SPON1: variants seen among roughly 807,000 people sequenced by gnomAD.
SPON1 encodes the protein spondin-1.
SPON1 carries 52 observed loss-of-function variants against 111.7 expected under a neutral mutation model. The ratio of observed to expected loss-of-function variants is 0.47; its 90% CI spans 0.37 to 0.59. The LOEUF is 0.59. Ranked by LOEUF, SPON1 falls within the 20% of genes least tolerant of loss-of-function variation. The pLI is 0.00. For missense variants in SPON1, 957 were observed against 1,068.5 expected (o/e 0.90, Z 1.46); for synonymous variants, 410 against 395.8 (o/e 1.04, Z -0.43).
chr11:14,014,386 G>C (rs188704438), intron 2 of SPON1, among the ~76,000 whole-genome samples: 11 of 152,320 alleles, frequency 7.2e-5, no homozygotes, highest in Non-Finnish European at 1.0e-4. Flanking sequence ...TCTTACAATT[G>C]ATATGTACAT....
chr11:14,017,005 G>A (rs970175715), intron 2 of SPON1, among the ~76,000 whole-genome samples: 4 of 152,190 alleles, frequency 2.6e-5, no homozygotes, highest in African/African-American at 9.7e-5. Flanking sequence ...CAGGTGCCCA[G>A]AGATTGCTAC....
chr11:13,969,804 G>A (rs1474457021), intron 1 of SPON1, among the ~76,000 whole-genome samples: 3 of 152,160 alleles, frequency 2.0e-5, no homozygotes, highest in Non-Finnish European at 2.9e-5. Flanking sequence ...GAATAGAAAC[G>A]AATTGGCATG....
intron 6 of SPON1, among the ~76,000 whole-genome samples, chr11:14,179,733 G>T (rs1031435706): frequency 5.3e-5 from 8 of 151,992 alleles, no homozygotes; most frequent in Admixed American, 4.6e-4. Flanking sequence ...TTGATGCCTG[G>T]TCATAAAAGG....
At chr11:13,994,471 C>T (rs1441466323) in intron 2 of SPON1, among the ~76,000 whole-genome samples, 1 of 152,034 alleles carries the variant, frequency 6.6e-6, no homozygotes, top group Non-Finnish European at 1.5e-5. Flanking sequence ...CTGCACTCAA[C>T]AAAATGGAAT....
At chr11:14,181,803 G>A (rs1234883069) in intron 6 of SPON1, among the ~76,000 whole-genome samples, 3 of 152,192 alleles carry the variant, frequency 2.0e-5, no homozygotes, top group Non-Finnish European at 4.4e-5. Context: ...TTGCTAAAAT[G>A]ACACTTCTGG....
intron 6 of SPON1, among the ~76,000 whole-genome samples, chr11:14,221,904 C>T (rs1848685195): frequency 6.6e-6 from 1 of 152,208 alleles, no homozygotes; most frequent in African/African-American, 2.4e-5. Flanking sequence ...TCTCTGCTAC[C>T]TACCAGCCTT....
intron 5 of SPON1, among the ~76,000 whole-genome samples, chr11:14,119,434 G>A (rs1244685779): frequency 1.3e-5 from 2 of 152,074 alleles, no homozygotes; most frequent in African/African-American, 4.8e-5. Flanking sequence ...ATTGACCAAG[G>A]GTTGTCTGCA....
chr11:14,187,866 C>T (rs1848303695), intron 6 of SPON1, among the ~76,000 whole-genome samples: 1 of 152,092 alleles, frequency 6.6e-6, no homozygotes, highest in Admixed American at 6.5e-5. Context: ...CCACAACCTC[C>T]ACCTTCTTGG....
chr11:14,265,510 T>C lies in SPON1; in HGVS notation c.2261-14T>C. The C allele has an allele frequency of 6.2e-7, 1 of 1,610,436 alleles. No individual in the cohort carries two copies. Among genetic ancestry groups the C allele is most frequent in the Non-Finnish European group, 8.5e-7 (1 of 1,178,428 alleles). On this transcript the variant is annotated splice_polypyrimidine_tract_variant and intron_variant, in intron 15 of 15. Transcript: ENST00000576479. ...CGTTTCTGCGGGCCTAACAAGGCAT[T>C]CTCATGCTTTCAGGTTGTAGGATGC...
intron 6 of SPON1, among the ~76,000 whole-genome samples, chr11:14,198,113 C>G (rs1341191979): frequency 1.3e-5 from 2 of 152,196 alleles, no homozygotes; most frequent in African/African-American, 4.8e-5. Flanking sequence ...TGGGGCATCC[C>G]ATCTGGAGTG....
At chr11:14,045,260 A>C (rs1848659562) in intron 3 of SPON1, among the ~76,000 whole-genome samples, 1 of 152,134 alleles carries the variant, frequency 6.6e-6, no homozygotes, top group African/African-American at 2.4e-5. Context: ...ATTTTTTAAT[A>C]ATCTGTCTTT....
intron 13 of SPON1, among the ~76,000 whole-genome samples, chr11:14,260,325 G>GACTT (rs1450025360): frequency 5.3e-5 from 8 of 152,118 alleles, no homozygotes; most frequent in African/African-American, 1.7e-4. Context: ...TTCTAGTGGG[G>GACTT]ACTTATGTAG....
At chr11:14,037,468 T>TA (rs1848602762) in intron 2 of SPON1, among the ~76,000 whole-genome samples, 1 of 149,400 alleles carries the variant, frequency 6.7e-6, no homozygotes, top group Non-Finnish European at 1.5e-5. Context: ...AAAGGTAATA[T>TA]AATAGAGCAA....
intron 5 of SPON1, among the ~76,000 whole-genome samples, chr11:14,123,232 A>G (rs930596405): frequency 6.6e-6 from 1 of 152,148 alleles, no homozygotes; most frequent in East Asian, 1.9e-4. Flanking sequence ...ATGCCCAGCC[A>G]TGTCTAGAAA....
intron 6 of SPON1, among the ~76,000 whole-genome samples, chr11:14,220,720 A>G (rs537580266): frequency 6.6e-6 from 1 of 152,328 alleles, no homozygotes; most frequent in East Asian, 1.9e-4. Context: ...TGATGGCTGA[A>G]TTGGATTCTT....
intron 5 of SPON1, among the ~76,000 whole-genome samples, chr11:14,129,855 G>A (rs1171747214): frequency 3.9e-5 from 6 of 152,118 alleles, no homozygotes; most frequent in South Asian, 2.1e-4. Context: ...AGAAGCAGGC[G>A]CCTTCTTCAC....
At chr11:13,991,085 T>C (rs1554911128) in intron 2 of SPON1, among the ~76,000 whole-genome samples, 5 of 152,206 alleles carry the variant, frequency 3.3e-5, no homozygotes, top group African/African-American at 1.2e-4. Context: ...ATCTTTGTGG[T>C]GTTCTCTGTA....
intron 2 of SPON1, among the ~76,000 whole-genome samples, chr11:13,998,361 A>G (rs1390454356): frequency 6.6e-6 from 1 of 152,286 alleles, no homozygotes; most frequent in Non-Finnish European, 1.5e-5. Flanking sequence ...CTAAACCCCT[A>G]AAATCCTTTC....
chr11:14,010,509 T>C (rs1848395863), intron 2 of SPON1, among the ~76,000 whole-genome samples: 1 of 151,550 alleles, frequency 6.6e-6, no homozygotes, highest in Non-Finnish European at 1.5e-5. Flanking sequence ...AAATGAGGGA[T>C]TGGGGAGAAT....
Sources: gnomAD v4.1 joint callset for allele counts (sites outside exome capture counted in the v4.1 genomes callset) on GRCh38, gnomAD v4.1.1 for gene constraint, MANE v1.5 for transcripts, NCBI Gene and HGNC (gene_info 2026-07-23, HGNC 2026-07-21) for gene names.